The following PLEKHG7 variants were observed in gnomAD, a reference collection of about 807,000 sequenced individuals.
PLEKHG7 encodes the protein pleckstrin homology domain-containing family G member 7.
A neutral mutation model predicts 85.2 loss-of-function variants in PLEKHG7; 77 were observed. The observed-to-expected ratio is 0.90, with a 90% CI of 0.75 to 1.09. PLEKHG7 has a LOEUF of 1.09. Ranked by LOEUF, PLEKHG7 falls within the 50% of genes least tolerant of loss-of-function variation. The probability of loss-of-function intolerance (pLI) is 0.00; values close to 1 mark genes in which losing one functional copy is unlikely to be tolerated. For synonymous variants in PLEKHG7, 301 were observed against 302.4 expected, an observed-to-expected ratio of 1.00 and a Z score of 0.05; for missense variants, 777 against 804.3, an observed-to-expected ratio of 0.97 and a Z score of 0.41.
chr12:92,730,556 A>T (rs1592678163), intron 4 of PLEKHG7, among the ~76,000 whole-genome samples: 1 of 152,002 alleles, frequency 6.6e-6, no homozygotes, highest in Admixed American at 6.5e-5. Flanking sequence ...ACAGAGTCTC[A>T]CTCTGTGGCC....
Position 92,737,407 on chromosome 12 carries a change from A to C in PLEKHG7, c.825A>C (p.Thr275=). 6.5e-7 allele frequency: 1 copy of C among 1,545,980 alleles called. No homozygotes were observed. Among genetic ancestry groups the C allele is most frequent in the Non-Finnish European group, 8.7e-7 (1 of 1,155,800 alleles). ...AGACCTGGGATGAAGTCTTGGAAACACATCACAAACTCCCGACCGATCAAT... is the reference window on the plus strand; with the variant it reads ...AGACCTGGGATGAAGTCTTGGAAACCCATCACAAACTCCCGACCGATCAAT... ...KDKTWDEVLE[T]HHKLPTDQLD... Residue 275 remains threonine, a synonymous_variant, in exon 7 of 17, where the codon ACA becomes ACC. Transcript: ENST00000344636.
chr12:92,765,328 A>T (rs1459495570), intron 15 of PLEKHG7, among the ~76,000 whole-genome samples: 2 of 54,258 alleles, frequency 3.7e-5, no homozygotes, highest in African/African-American at 8.6e-5. Flanking sequence ...CTCTTATTAA[A>T]AAAAAAAAAA....
At chr12:92,730,703 A>G (rs1871965479) in intron 4 of PLEKHG7, among the ~76,000 whole-genome samples, 1 of 152,218 alleles carries the variant, frequency 6.6e-6, no homozygotes, top group Non-Finnish European at 1.5e-5. Flanking sequence ...TACAGGCGCA[A>G]GCCGCTGTGC....
intron 5 of PLEKHG7, among the ~76,000 whole-genome samples, chr12:92,733,419 T>C (rs1412549525): frequency 1.3e-5 from 2 of 152,242 alleles, no homozygotes; most frequent in African/African-American, 4.8e-5. Context: ...TTTCACTTTT[T>C]TTCCCAAAAA....
rs986484965 is a variant in PLEKHG7, at chr12:92,737,442, A to G, written c.860A>G (p.Lys287Arg). 2.5e-5 allele frequency: 40 copies of G among 1,583,108 alleles called. No individual in the cohort carries two copies. Among genetic ancestry groups the G allele is most frequent in the Non-Finnish European group, 3.2e-5 (38 of 1,171,598 alleles). ...CTCCCGACCGATCAATTAGACCTGA[A>G]AAAGCAGCAAGAGGCCGTGTGGGAA... is the stretch of plus-strand genomic sequence containing the variant. ...HKLPTDQLDLKKQQEAVWELF... is the reference protein window; with the variant it reads ...HKLPTDQLDLRKQQEAVWELF... The change falls in exon 7 of 17, where the codon AAA (lysine) becomes AGA (arginine). Residue 287 changes from lysine to arginine, a missense_variant. This residue lies in a region of PLEKHG7 where 520 missense variants were observed against 544.0 expected (regional missense o/e 0.96). Coordinates refer to ENST00000344636, the MANE Select transcript of PLEKHG7 (RefSeq NM_001377329.1).
Position 92,706,708 on chromosome 12 carries a change from G to C in PLEKHG7, c.77G>C (p.Ser26Thr), listed in dbSNP as rs1163719912. ...GCCTCTCCTCGGCCCTCGCTGAGGA[G>C]CCTGCCAAAGAACCAGGGGAGTCTC... ...CGASPRPSLR[S>T]LPKNQGSLLQ... is the part of the protein sequence containing the mutation. Residue 26 changes from serine (S) to threonine (T), a missense_variant, in exon 2 of 17, where the codon AGC becomes ACC. Around this residue, in one of 3 missense-constraint regions of PLEKHG7, gnomAD observed 252 missense variants for 241.9 expected, o/e 1.04. Coordinates refer to ENST00000344636, the MANE Select transcript of PLEKHG7 (RefSeq NM_001377329.1). 2.5e-6 allele frequency: 4 copies of C among 1,613,994 alleles called. No individual in the cohort carries two copies. In the African/African-American group the frequency reaches 5.3e-5, roughly 22 times the overall value.
intron 13 of PLEKHG7, among the ~76,000 whole-genome samples, chr12:92,756,782 A>T (rs1002556520): frequency 1.3e-5 from 2 of 152,214 alleles, no homozygotes; most frequent in Non-Finnish European, 2.9e-5. Flanking sequence ...ATTATATTAT[A>T]TAGGACAAGT....
intron 10 of PLEKHG7, among the ~76,000 whole-genome samples, chr12:92,751,033 C>G (rs947509428): frequency 5.9e-5 from 9 of 152,176 alleles, no homozygotes. Context: ...ATTCATAAAG[C>G]TTAGCCTCAT....
intron 3 of PLEKHG7, among the ~76,000 whole-genome samples, chr12:92,722,529 G>C (rs1441592065): frequency 1.3e-5 from 2 of 152,158 alleles, no homozygotes; most frequent in South Asian, 2.1e-4. Context: ...AAAAAGTCAA[G>C]GTCATGGATC....
intron 5 of PLEKHG7, among the ~76,000 whole-genome samples, chr12:92,733,240 T>A (rs1872044565): frequency 6.6e-6 from 1 of 152,166 alleles, no homozygotes. Flanking sequence ...AGAAGACCAG[T>A]GCCAGCCTCA....
At chr12:92,756,732 G>A (rs947540793) in intron 13 of PLEKHG7, among the ~76,000 whole-genome samples, 7 of 152,184 alleles carry the variant, frequency 4.6e-5, no homozygotes, top group Non-Finnish European at 7.4e-5. Flanking sequence ...CTCCCCCAAT[G>A]AGCCAGACAA....
At chr12:92,764,926 G>A (rs907988532) in intron 15 of PLEKHG7, among the ~76,000 whole-genome samples, 1 of 152,034 alleles carries the variant, frequency 6.6e-6, no homozygotes, top group Non-Finnish European at 1.5e-5. Flanking sequence ...TCAGGAGGAC[G>A]CAGACACCAC....
At position 92,719,940 on chromosome 12, in the gene PLEKHG7, G is replaced by A. The variant is rs545143567; in HGVS notation, c.531-9053G>A. 1.0e-3 allele frequency among the ~76,000 whole-genome samples: 156 copies of A among 152,304 alleles called. 3 individuals carry two copies. The highest frequency in any genetic ancestry group is 3.6e-3 in the African/African-American group (151 of 41,568). On this transcript the variant is annotated intron_variant, in intron 3 of 16. Transcript: ENST00000344636. ...GCATGCAGGATGCAGGCAGCCTCACGTGGCACACTTGCTTTCCACATAAGG... is the reference window on the plus strand; with the variant it reads ...GCATGCAGGATGCAGGCAGCCTCACATGGCACACTTGCTTTCCACATAAGG...
In PLEKHG7 at chr12:92,740,343, C is replaced by A. The variant is rs925145331; in HGVS notation, c.940-510C>A. ...ATTAAGTGAAAATAACATAAAAACT[C>A]CCTCAATGTTTTCATCCATGTTTAA... On this transcript the variant is annotated intron_variant, in intron 7 of 16. Coordinates refer to ENST00000344636, the MANE Select transcript of PLEKHG7 (RefSeq NM_001377329.1). Among the ~76,000 whole-genome samples the A allele has an allele frequency of 2.6e-5, 4 of 152,098 alleles. No individual in the cohort carries two copies. The East Asian group carries it at 7.7e-4, about 29-fold the overall frequency.
chr12:92,704,554 C>T (rs557519093), intron 1 of PLEKHG7, among the ~76,000 whole-genome samples: 2 of 152,328 alleles, frequency 1.3e-5, no homozygotes, highest in East Asian at 3.9e-4. Context: ...AAGGGTACCT[C>T]ATGGGTTTTA....
intron 3 of PLEKHG7, among the ~76,000 whole-genome samples, chr12:92,724,103 C>T (rs760122829): frequency 3.0e-4 from 45 of 152,130 alleles, no homozygotes; most frequent in Non-Finnish European, 5.0e-4. Flanking sequence ...GGGGAAGCTT[C>T]TGACATTTCT....
At position 92,707,121 on chromosome 12, in the gene PLEKHG7, C is replaced by T. The variant is rs201155110; in HGVS notation, c.490C>T (p.Arg164Ter). ...EGHFLPSPTLRHPSPQGEELH... is the reference protein window; with the variant it reads ...EGHFLPSPTL ...CCACTTCCTGCCCAGCCCCACCCTA[C>T]GACACCCTAGTCCTCAGGTAACACA... The change falls in exon 2 of 17, where the codon CGA (arginine) becomes TGA (stop). Residue 164 changes from arginine (R) to a stop codon, truncating the protein, a stop_gained. Transcript: ENST00000344636. LOFTEE classifies it high-confidence loss of function. 1,248 of 1,613,316 alleles carry T rather than the reference C, an allele frequency of 7.7e-4. No homozygotes were observed. The highest frequency in any genetic ancestry group is 1.4e-3 in the African/African-American group (103 of 75,048).
At chr12:92,709,849 C>A (rs1235828994) in intron 3 of PLEKHG7, among the ~76,000 whole-genome samples, 1 of 152,148 alleles carries the variant, frequency 6.6e-6, no homozygotes, top group Non-Finnish European at 1.5e-5. Flanking sequence ...TTGAGATCAG[C>A]CTGGCCAACA....
chr12:92,753,349 A>T (rs1872743177), intron 10 of PLEKHG7, among the ~76,000 whole-genome samples: 1 of 152,196 alleles, frequency 6.6e-6, no homozygotes, highest in Non-Finnish European at 1.5e-5. Context: ...GAAACAGCAC[A>T]GCAGATAAAA....
Sources: gnomAD v4.1 joint callset for allele counts (sites outside exome capture counted in the v4.1 genomes callset) on GRCh38, gnomAD v4.1.1 for gene constraint, gnomAD v4.1.1 regional missense constraint, MANE v1.5 for transcripts, NCBI Gene and HGNC (gene_info 2026-07-23, HGNC 2026-07-21) for gene names.